The following PLCG2 variants were observed in gnomAD, a reference collection of about 807,000 sequenced individuals.
PLCG2 encodes phospholipase C gamma 2.
PLCG2 carries 69 observed loss-of-function variants against 175.6 expected under a neutral mutation model. The observed-to-expected ratio is 0.39, with a 90% CI of 0.32 to 0.48. The LOEUF is 0.48. PLCG2 is among the 20% of genes least tolerant of loss of function. The probability of loss-of-function intolerance (pLI) is 0.91; values close to 1 mark genes in which losing one functional copy is unlikely to be tolerated. For missense variants in PLCG2, 1,798 were observed against 1,650.9 expected, an observed-to-expected ratio of 1.09 and a Z score of -1.54; for synonymous variants, 827 against 624.0, an observed-to-expected ratio of 1.33 and a Z score of -4.85.
rs34518159 is a variant in PLCG2 at position 81,750,971 on chromosome 16, CTTTT to C, written c.-144-4876_-144-4873del. Reference sequence around the variant, plus strand: ...TACAGGCGTGAGCCACCGCACCCAGCTTTTTTTTTTTTTTTTTTTTTTTTTTCAA... The same window carrying C: ...TACAGGCGTGAGCCACCGCACCCAGCTTTTTTTTTTTTTTTTTTTTTTCAA... On this transcript the variant is annotated intron_variant, in intron 1 of 5. Coordinates refer to the PLCG2 transcript ENST00000565054. Among the ~76,000 whole-genome samples the C allele has an allele frequency of 8.6e-3, 359 of 41,718 alleles. 1 individual carries two copies. Among genetic ancestry groups the C allele is most frequent in the African/African-American group, 0.03 (335 of 11,340 alleles). 27.4% of individuals were successfully genotyped at this position (41,718 alleles called of 152,430 possible). A position where few individuals can be genotyped will look rare whatever the true frequency, so the allele number is the denominator to read the frequency against.
In PLCG2 at chr16:81,838,180, G is replaced by C. The variant is rs112101745; in HGVS notation, c.194-16264G>C. On this transcript the variant is annotated intron_variant, in intron 2 of 32. Coordinates refer to ENST00000564138, the MANE Select transcript of PLCG2 (RefSeq NM_002661.5). Reference sequence around the variant, plus strand: ...TGCAACCTCTGCCTCCTGGGTTCAAGTGATTCTCTTGCCTCAACCTCCCAG... The same window carrying C: ...TGCAACCTCTGCCTCCTGGGTTCAACTGATTCTCTTGCCTCAACCTCCCAG... Among the ~76,000 whole-genome samples, 857 of 151,948 alleles carry C rather than the reference G, an allele frequency of 5.6e-3. 18 individuals are homozygous for C. The highest frequency in any genetic ancestry group is 0.02 in the African/African-American group (826 of 41,434).
At chr16:81,825,634 G>A (rs191883610) in intron 2 of PLCG2, among the ~76,000 whole-genome samples, 167 of 152,176 alleles carry the variant, frequency 1.1e-3, no homozygotes, top group African/African-American at 3.8e-3. Flanking sequence ...TAGTAGGTTG[G>A]TGCAAATGTA....
intron 23 of PLCG2, among the ~76,000 whole-genome samples, 193 bp downstream of exon 23, chr16:81,927,371 G>GC (rs1910319399): frequency 6.6e-6 from 1 of 152,202 alleles, no homozygotes; most frequent in South Asian, 2.1e-4. Flanking sequence ...GCTGTGACAA[G>GC]CCGGCCGTGT....
chr16:81,811,827 CAT>C lies in PLCG2; in HGVS notation c.193+25648_193+25649del, dbSNP rs536988017. 3.3e-3 allele frequency among the ~76,000 whole-genome samples: 509 copies of C among 152,258 alleles called. 2 individuals are homozygous for C. Among genetic ancestry groups the C allele is most frequent in the African/African-American group, 0.012 (494 of 41,536 alleles). On this transcript the variant is annotated intron_variant, in intron 2 of 32. Transcript: ENST00000564138. ...CTCTTGTGAATAGTGCCGCAATAAA[CAT>C]ATGTGTGCATGTGTCTTTATAGTAG...
At chr16:81,870,269 C>G (rs1441973978) in intron 6 of PLCG2, among the ~76,000 whole-genome samples, 1 of 152,092 alleles carries the variant, frequency 6.6e-6, no homozygotes, top group Non-Finnish European at 1.5e-5. Context: ...CAGGGAAGCC[C>G]TAGGAGCATA....
chr16:81,878,633 C>G (rs1313716378), intron 7 of PLCG2, among the ~76,000 whole-genome samples: 1 of 152,144 alleles, frequency 6.6e-6, no homozygotes. Flanking sequence ...GTTTCCATCC[C>G]TGCCTCCTAG....
intron 7 of PLCG2, among the ~76,000 whole-genome samples, chr16:81,880,505 A>C (rs1465783877): frequency 6.6e-6 from 1 of 152,236 alleles, no homozygotes; most frequent in Non-Finnish European, 1.5e-5. Flanking sequence ...TGTGGAATAC[A>C]ATGGTTTTTC....
chr16:81,939,618 C>T (rs562752117), intron 29 of PLCG2, among the ~76,000 whole-genome samples: 185 of 152,260 alleles, frequency 1.2e-3, no homozygotes, highest in Middle Eastern at 6.8e-3. Context: ...AAACACCTCC[C>T]CCGTTCCCTT....
intron 12 of PLCG2, among the ~76,000 whole-genome samples, chr16:81,894,721 A>C (rs1367295840): frequency 6.6e-6 from 1 of 151,990 alleles, no homozygotes; most frequent in Non-Finnish European, 1.5e-5. Context: ...AAAAATACAG[A>C]AATTAGCCAG....
chr16:81,778,312 G>T (rs988963979), upstream of PLCG2, among the ~76,000 whole-genome samples: 1 of 152,114 alleles, frequency 6.6e-6, no homozygotes, highest in African/African-American at 2.4e-5. Flanking sequence ...CGAGGATGTG[G>T]TGAGCTATGA....
intron 14 of PLCG2, among the ~76,000 whole-genome samples, chr16:81,902,441 A>G (rs919503466): frequency 6.6e-6 from 1 of 152,178 alleles, no homozygotes; most frequent in African/African-American, 2.4e-5. Flanking sequence ...GTGTCCTCAC[A>G]TGGTGGAAAG....
intron 1 of PLCG2, among the ~76,000 whole-genome samples, chr16:81,742,155 G>T (rs977019140): frequency 5.6e-4 from 2 of 3,566 alleles, no homozygotes; most frequent in South Asian, 6.2e-3. Context: ...TTGTGGGGGC[G>T]GGGGGGGGGG....
At chr16:81,848,674 C>G (rs898857361) in intron 2 of PLCG2, among the ~76,000 whole-genome samples, 23 of 152,312 alleles carry the variant, frequency 1.5e-4, no homozygotes, top group Admixed American at 4.6e-4. Flanking sequence ...CCCCATTTCT[C>G]TCTGTCCCTT....
intron 2 of PLCG2, among the ~76,000 whole-genome samples, chr16:81,766,059 G>C (rs939627062): frequency 3.3e-5 from 5 of 152,162 alleles, no homozygotes; most frequent in African/African-American, 1.2e-4. Context: ...AGCCTTCCCA[G>C]GTGTGTCCTA....
chr16:81,908,321 G>A, intron 16 of PLCG2, 95 bp from the exon 17 acceptor site: 1 of 1,164,186 alleles, frequency 8.6e-7, no homozygotes, highest in Non-Finnish European at 1.2e-6. Flanking sequence ...TATGTTATCT[G>A]GTACCCTGGG....
At chr16:81,805,783 G>GTTTTTTTTTTTTTTTTTTTTTT (rs35014411) in intron 2 of PLCG2, among the ~76,000 whole-genome samples, 3 of 82,928 alleles carry the variant, frequency 3.6e-5, no homozygotes, top group African/African-American at 5.5e-5. Context: ...TTTTTTTTTT[G>GTTTTTTTTTTTTTTTTTTTTTT]TTTTTTTTTT....
chr16:81,801,120 T>C (rs1911699903), intron 2 of PLCG2, among the ~76,000 whole-genome samples: 1 of 152,188 alleles, frequency 6.6e-6, no homozygotes, highest in Non-Finnish European at 1.5e-5. Context: ...AGATAATCAA[T>C]TTGAGTAAAG....
chr16:81,950,399 T>C (rs181028180), intron 31 of PLCG2, among the ~76,000 whole-genome samples: 8 of 152,324 alleles, frequency 5.3e-5, no homozygotes, highest in Non-Finnish European at 8.8e-5. Context: ...GCAAATAGCA[T>C]AGTACCTAAG....
intron 2 of PLCG2, chr16:81,798,550 T>G (rs2143232773): frequency 6.6e-6 from 1 of 152,328 alleles, no homozygotes; most frequent in Non-Finnish European, 1.5e-5. Context: ...CATCACAGCC[T>G]GGGGGCCACT....
Sources: gnomAD v4.1 joint callset for allele counts (sites outside exome capture counted in the v4.1 genomes callset) on GRCh38, gnomAD v4.1.1 for gene constraint, MANE v1.5 for transcripts, NCBI Gene and HGNC (gene_info 2026-07-23, HGNC 2026-07-21) for gene names.